Variants in ABCA13 observed in about 807,000 individuals in gnomAD.
The protein encoded by ABCA13 is ATP binding cassette subfamily A member 13.
Under a neutral mutation model 478.7 loss-of-function variants are expected in ABCA13, and 476 were observed. That is an observed-to-expected ratio of 0.99 (90% confidence interval 0.92 to 1.07). ABCA13 has a LOEUF of 1.07. Among genes scored for constraint, ABCA13 ranks in the 50% least tolerant of loss-of-function variants. The pLI is 0.00. For missense variants in ABCA13, 6,060 were observed against 5,910.6 expected (o/e 1.03, Z -0.83); for synonymous variants, 2,252 against 2,158.9 (o/e 1.04, Z -1.20).
chr7:48,362,062 C>T (rs1411835406), intron 31 of ABCA13, among the ~76,000 whole-genome samples: 1 of 151,898 alleles, frequency 6.6e-6, no homozygotes, highest in African/African-American at 2.4e-5. Flanking sequence ...ATATATAACC[C>T]ACTTTTGTGA....
chr7:48,229,548 G>A (rs1042898426), intron 6 of ABCA13, among the ~76,000 whole-genome samples: 4 of 152,212 alleles, frequency 2.6e-5, no homozygotes, highest in Admixed American at 2.0e-4. Context: ...CTATGGCAGA[G>A]CCAATGCAAA....
intron 1 of ABCA13, among the ~76,000 whole-genome samples, chr7:48,180,025 G>A (rs1239886915): frequency 1.3e-5 from 2 of 152,148 alleles, no homozygotes; most frequent in Non-Finnish European, 2.9e-5. Context: ...GCTGAGACTC[G>A]ATTTTATCTG....
chr7:48,482,823 A>G (rs1039626413), intron 46 of ABCA13, among the ~76,000 whole-genome samples: 1 of 152,140 alleles, frequency 6.6e-6, no homozygotes, highest in Non-Finnish European at 1.5e-5. Flanking sequence ...TGACAAGTAC[A>G]CTTTCTAATG....
intron 5 of ABCA13, among the ~76,000 whole-genome samples, chr7:48,223,646 T>G (rs1471513126): frequency 6.6e-6 from 1 of 152,010 alleles, no homozygotes; most frequent in Non-Finnish European, 1.5e-5. Context: ...AAAGCCTGAC[T>G]GGAGTGGGTT....
intron 7 of ABCA13, among the ~76,000 whole-genome samples, chr7:48,231,815 C>A (rs956445094): frequency 1.3e-5 from 2 of 152,148 alleles, no homozygotes; most frequent in Non-Finnish European, 2.9e-5. Flanking sequence ...GCGTGCATCA[C>A]CACGCCTGGC....
At chr7:48,204,111 C>CTT (rs34262924) in intron 3 of ABCA13, among the ~76,000 whole-genome samples, 24 of 137,824 alleles carry the variant, frequency 1.7e-4, no homozygotes, top group African/African-American at 4.3e-4. Context: ...TCTTGACACT[C>CTT]TTTTTTTTTT....
chr7:48,266,834 C>T (rs1456338241), intron 15 of ABCA13, among the ~76,000 whole-genome samples: 4 of 151,776 alleles, frequency 2.6e-5, no homozygotes, highest in Non-Finnish European at 5.9e-5. Flanking sequence ...TACATTTTCC[C>T]CTAAATGCTG....
Position 48,278,139 on chromosome 7 carries a change from A to G in ABCA13, c.6945A>G (p.Gln2315=), listed in dbSNP as rs1796548809. 5 of 1,442,038 alleles carry G rather than the reference A, an allele frequency of 3.5e-6. No individual in the cohort carries two copies. In the East Asian group the frequency reaches 7.0e-5, roughly 20 times the overall value. 89.3% of individuals were successfully genotyped at this position (1,442,038 alleles called of 1,614,324 possible). A position where few individuals can be genotyped will look rare whatever the true frequency, so the allele number is the denominator to read the frequency against. The change falls in exon 18 of 62, where the codon CAA becomes CAG. Residue 2315 remains glutamine (Q), a synonymous_variant. Transcript: ENST00000435803. The part of the protein sequence containing the change: ...DKILEILKLD[Q]FLTLMIQDRL... ...TTCTAGAAATTCTGAAACTGGATCA[A>G]TTTCTTACCCTGATGATACAAGACA...
intron 35 of ABCA13, among the ~76,000 whole-genome samples, chr7:48,377,267 C>A (rs562910731): frequency 8.6e-5 from 13 of 151,520 alleles, no homozygotes; most frequent in South Asian, 4.2e-4. Context: ...GCACGCATAC[C>A]TTTACCTTTT....
intron 23 of ABCA13, among the ~76,000 whole-genome samples, chr7:48,307,332 A>G (rs1399097136): frequency 6.6e-6 from 1 of 152,232 alleles, no homozygotes; most frequent in African/African-American, 2.4e-5. Flanking sequence ...ACTGTGGGCA[A>G]TTGTAACATC....
intron 55 of ABCA13, among the ~76,000 whole-genome samples, chr7:48,543,993 A>T: frequency 6.6e-6 from 1 of 151,922 alleles, no homozygotes. Flanking sequence ...AAATATATTT[A>T]TTCTAGTAAA....
chr7:48,368,056 T>G, intron 32 of ABCA13, 148 bp downstream of exon 32: 1 of 539,574 alleles, frequency 1.9e-6, no homozygotes, highest in Non-Finnish European at 3.3e-6. Flanking sequence ...GCTGAGTCCC[T>G]GTTCCAGAAA....
chr7:48,298,314 G>A, intron 22 of ABCA13, 52 bp from the exon 23 acceptor site: 10 of 1,530,990 alleles, frequency 6.5e-6, no homozygotes, highest in Non-Finnish European at 8.8e-6. Flanking sequence ...TTCGCAGTCA[G>A]TAATGATCTA....
intron 50 of ABCA13, among the ~76,000 whole-genome samples, chr7:48,509,470 G>A (rs775488041): frequency 1.3e-5 from 2 of 152,214 alleles, no homozygotes; most frequent in East Asian, 3.9e-4. Context: ...GACACCATGG[G>A]GCTTTCAAAG....
intron 4 of ABCA13, 84 bp downstream of exon 4, chr7:48,219,589 C>A: frequency 1.3e-6 from 2 of 1,500,372 alleles, no homozygotes; most frequent in South Asian, 2.7e-5. Flanking sequence ...ACCCAGAATG[C>A]TAAATGCTCA....
chr7:48,205,581 C>G (rs1395860155), intron 3 of ABCA13, among the ~76,000 whole-genome samples: 1 of 152,172 alleles, frequency 6.6e-6, no homozygotes, highest in Non-Finnish European at 1.5e-5. Context: ...TTTGTTCTTC[C>G]ATGTAAGTGT....
Position 48,586,769 on chromosome 7 carries a change from A to G in ABCA13, c.14506-385A>G, listed in dbSNP as rs144585556. On this transcript the variant is annotated intron_variant, in intron 56 of 61. Transcript: ENST00000435803. The stretch of plus-strand genomic sequence containing the variant: ...TCTGCTTCGGTTGTCTTCTCCCTTT[A>G]AGTTTTGACACCGCTATTAGTTTCA... Among the ~76,000 whole-genome samples the G allele has an allele frequency of 5.0e-3, 755 of 152,216 alleles. 12 individuals carry two copies. Among genetic ancestry groups the G allele is most frequent in the African/African-American group, 0.018 (729 of 41,542 alleles).
intron 59 of ABCA13, among the ~76,000 whole-genome samples, chr7:48,617,374 T>A (rs1016955468): frequency 6.6e-6 from 1 of 152,116 alleles, no homozygotes; most frequent in African/African-American, 2.4e-5. Context: ...AGGGAAGAGG[T>A]TCTGAGGAGA....
At chr7:48,433,731 C>A (rs569072340) in intron 42 of ABCA13, among the ~76,000 whole-genome samples, 1 of 152,016 alleles carries the variant, frequency 6.6e-6, no homozygotes, top group East Asian at 1.9e-4. Flanking sequence ...GCCTGTGTGG[C>A]TGTGAATTTA....
Sources: allele counts gnomAD v4.1 joint callset (sites outside exome capture counted in the v4.1 genomes callset), GRCh38; gene constraint gnomAD v4.1.1; transcripts MANE v1.5; gene names NCBI Gene and HGNC (gene_info 2026-07-23, HGNC 2026-07-21).